CSMD1: variants seen among roughly 807,000 people sequenced by gnomAD.
CSMD1 encodes the protein CUB and sushi domain-containing protein 1.
Under a neutral mutation model 417.5 loss-of-function variants are expected in CSMD1, and 213 were observed. The ratio of observed to expected loss-of-function variants is 0.51; its 90% CI spans 0.46 to 0.57. The LOEUF (loss-of-function observed/expected upper bound fraction) is 0.57, where lower values mean the gene tolerates loss of function less well. Among genes scored for constraint, CSMD1 ranks in the 20% least tolerant of loss-of-function variants. The pLI, the probability that CSMD1 is intolerant of heterozygous loss-of-function variation, is 0.00. For synonymous variants in CSMD1, 2,862 were observed against 1,736.8 expected (o/e 1.65, Z -16.11); for missense variants, 6,923 against 4,529.7 (o/e 1.53, Z -15.17).
intron 1 of CSMD1, among the ~76,000 whole-genome samples, chr8:4,668,328 G>A (rs1805067036): frequency 6.6e-6 from 1 of 151,732 alleles, no homozygotes; most frequent in Non-Finnish European, 1.5e-5. Context: ...TCACAGCACT[G>A]TCATTGGTAG....
chr8:4,448,098 C>T (rs2163307), intron 2 of CSMD1, among the ~76,000 whole-genome samples: 1 of 152,098 alleles, frequency 6.6e-6, no homozygotes, highest in Non-Finnish European at 1.5e-5. Context: ...GTTCCCTTCT[C>T]TATGTTCTTG....
At chr8:3,290,821 T>G (rs1803499338) in intron 25 of CSMD1, among the ~76,000 whole-genome samples, 1 of 133,288 alleles carries the variant, frequency 7.5e-6, no homozygotes, top group Non-Finnish European at 1.5e-5. Flanking sequence ...CTTTATTTCT[T>G]TCTCGTGCCT....
At chr8:4,787,689 G>T in intron 1 of CSMD1, 1 of 1,590,948 alleles carries the variant, frequency 6.3e-7, no homozygotes, top group African/African-American at 1.3e-5. Flanking sequence ...CACCTAAAGT[G>T]GAGTTGTTTT....
At position 4,002,784 on chromosome 8, in the gene CSMD1, A is replaced by G. The variant is rs144644015; in HGVS notation, c.611-4674T>C. ...TAACAAAGTATATTGGAAGAACTGA[A>G]TAGAAAGTTTTAAAATATCAACTTA... On this transcript the variant is annotated intron_variant, in intron 4 of 69. Transcript: ENST00000635120. 4.5e-3 allele frequency among the ~76,000 whole-genome samples: 680 copies of G among 152,316 alleles called. 5 individuals are homozygous for G. Among genetic ancestry groups the G allele is most frequent in the African/African-American group, 0.015 (640 of 41,576 alleles).
At chr8:4,100,015 G>C (rs927975194) in intron 3 of CSMD1, among the ~76,000 whole-genome samples, 1 of 151,858 alleles carries the variant, frequency 6.6e-6, no homozygotes, top group Non-Finnish European at 1.5e-5. Flanking sequence ...TCATTTTTAT[G>C]ACTTCCAGAA....
chr8:3,463,475 A>G (rs1816632832), intron 12 of CSMD1, among the ~76,000 whole-genome samples: 1 of 152,214 alleles, frequency 6.6e-6, no homozygotes, highest in Non-Finnish European at 1.5e-5. Flanking sequence ...ATTTGAAGCC[A>G]CGTCCTGCAG....
intron 5 of CSMD1, among the ~76,000 whole-genome samples, chr8:3,874,297 G>C (rs1016548939): frequency 6.6e-6 from 1 of 152,142 alleles, no homozygotes; most frequent in African/African-American, 2.4e-5. Flanking sequence ...TGGACCACCT[G>C]TACTTTGGAA....
chr8:4,874,500 C>A (rs1802924970), intron 1 of CSMD1, among the ~76,000 whole-genome samples: 1 of 150,668 alleles, frequency 6.6e-6, no homozygotes, highest in Non-Finnish European at 1.5e-5. Flanking sequence ...AGCAGTTCTC[C>A]TGCCTCAGCC....
At chr8:4,641,991 A>G (rs1025086030) in intron 1 of CSMD1, among the ~76,000 whole-genome samples, 1 of 152,206 alleles carries the variant, frequency 6.6e-6, no homozygotes, top group African/African-American at 2.4e-5. Flanking sequence ...CTGGCATGCA[A>G]GATGTGAACA....
chr8:4,132,757 T>G (rs1358110218), intron 3 of CSMD1, among the ~76,000 whole-genome samples: 2 of 152,216 alleles, frequency 1.3e-5, no homozygotes, highest in African/African-American at 4.8e-5. Context: ...AGTGTTGATG[T>G]TCTCTACAAT....
intron 3 of CSMD1, among the ~76,000 whole-genome samples, chr8:4,109,720 T>C (rs1801753542): frequency 6.6e-6 from 1 of 152,176 alleles, no homozygotes. Flanking sequence ...TGAAAAATCT[T>C]AAAACAACTA....
At chr8:3,430,116 T>C (rs992813617) in intron 12 of CSMD1, among the ~76,000 whole-genome samples, 7 of 152,292 alleles carry the variant, frequency 4.6e-5, no homozygotes, top group African/African-American at 7.2e-5. Context: ...CATATACATA[T>C]ATACACACAT....
At chr8:4,620,145 G>A (rs757325595) in intron 2 of CSMD1, among the ~76,000 whole-genome samples, 25 of 151,716 alleles carry the variant, frequency 1.6e-4, no homozygotes, top group Non-Finnish European at 2.8e-4. Context: ...CTTTTTAAGA[G>A]TAGGACTATA....
chr8:3,085,838 C>CATCACCCGA (rs1814491773), intron 49 of CSMD1, among the ~76,000 whole-genome samples: 1 of 152,182 alleles, frequency 6.6e-6, no homozygotes, highest in Non-Finnish European at 1.5e-5. Context: ...ATGTGCCTGG[C>CATCACCCGA]ATCACCCGAA....
intron 1 of CSMD1, among the ~76,000 whole-genome samples, chr8:4,752,925 C>A (rs1811426549): frequency 6.6e-6 from 1 of 152,100 alleles, no homozygotes; most frequent in Non-Finnish European, 1.5e-5. Flanking sequence ...ACAGGGCTTC[C>A]CAGTGGCGTG....
chr8:4,284,516 T>A (rs1796957068), intron 3 of CSMD1, among the ~76,000 whole-genome samples: 1 of 152,142 alleles, frequency 6.6e-6, no homozygotes, highest in African/African-American at 2.4e-5. Context: ...CCTTCCCATA[T>A]GGTATAGGTT....
chr8:4,514,716 C>G (rs1803021472), intron 2 of CSMD1, among the ~76,000 whole-genome samples: 2 of 152,160 alleles, frequency 1.3e-5, no homozygotes, highest in Admixed American at 1.3e-4. Context: ...CAAATTAAAC[C>G]TGCTATTAGT....
chr8:4,624,406 G>C (rs530994218), intron 2 of CSMD1, among the ~76,000 whole-genome samples: 20 of 152,110 alleles, frequency 1.3e-4, no homozygotes, highest in Non-Finnish European at 2.4e-4. Flanking sequence ...CAACTTCTTT[G>C]GATGCCTTTC....
chr8:3,504,971 G>C (rs1248647784), intron 10 of CSMD1, among the ~76,000 whole-genome samples: 1 of 151,708 alleles, frequency 6.6e-6, no homozygotes, highest in Non-Finnish European at 1.5e-5. Flanking sequence ...ATTAACCAGT[G>C]CACCAGGGAA....
Sources: allele counts gnomAD v4.1 joint callset (sites outside exome capture counted in the v4.1 genomes callset), GRCh38; gene constraint gnomAD v4.1.1; transcripts MANE v1.5; gene names NCBI Gene and HGNC (gene_info 2026-07-23, HGNC 2026-07-21).